Variants in PRDM7 observed in about 807,000 individuals in gnomAD.
PRDM7 encodes the protein histone-lysine N-methyltransferase PRDM7.
A neutral mutation model predicts 64.3 loss-of-function variants in PRDM7; 52 were observed. The ratio of observed to expected loss-of-function variants is 0.81; its 90% CI spans 0.65 to 1.02. PRDM7 has a LOEUF of 1.02. Among genes scored for constraint, PRDM7 ranks in the 50% least tolerant of loss-of-function variants. The pLI is 0.00. For synonymous variants in PRDM7, 192 were observed against 210.1 expected, an observed-to-expected ratio of 0.91 and a Z score of 0.74; for missense variants, 574 against 597.1, an observed-to-expected ratio of 0.96 and a Z score of 0.40.
rs767830963 is a variant in PRDM7, at chr16:90,058,481, G to C, written c.1287C>G (p.Val429=). The C allele has an allele frequency of 4.3e-6, 7 of 1,614,164 alleles. No individual in the cohort carries two copies. The Admixed American group carries it at 1.2e-4, about 27-fold the overall frequency. Residue 429 remains valine, a synonymous_variant, in exon 11 of 11, where the codon GTC becomes GTG. Coordinates refer to ENST00000449207, the MANE Select transcript of PRDM7 (RefSeq NM_001098173.2). The part of the protein sequence containing the change: ...HVPHAVWPFQ[V]KNFSVNMWNA... ...TCCACATGTTGACTGAGAAATTTTTGACTTGAAAAGGCCAGACAGCATGAG... is the reference window on the plus strand; with the variant it reads ...TCCACATGTTGACTGAGAAATTTTTCACTTGAAAAGGCCAGACAGCATGAG...
In PRDM7 at chr16:90,060,334, T is replaced by C. The variant is rs1338969202; in HGVS notation, c.1233+7A>G. ...TGTCCTTTTAAAAGAGTAATAGTGATGCCTACCTCTCCCTGCCATGAGCTC... is the reference window on the plus strand; with the variant it reads ...TGTCCTTTTAAAAGAGTAATAGTGACGCCTACCTCTCCCTGCCATGAGCTC... On this transcript the variant is annotated splice_region_variant and intron_variant, in intron 10 of 10. Coordinates refer to ENST00000449207, the MANE Select transcript of PRDM7 (RefSeq NM_001098173.2). 3 of 1,614,008 alleles carry C rather than the reference T, an allele frequency of 1.9e-6. No individual in the cohort carries two copies.
At chr16:90,060,092 A>T (rs1335722866) in intron 10 of PRDM7, among the ~76,000 whole-genome samples, 1 of 152,230 alleles carries the variant, frequency 6.6e-6, no homozygotes, top group African/African-American at 2.4e-5. Flanking sequence ...GTCTTTGAGC[A>T]CTGTATGCTG....
intron 6 of PRDM7, among the ~76,000 whole-genome samples, chr16:90,063,137 T>C (rs1418004598): frequency 1.3e-5 from 2 of 152,194 alleles, no homozygotes; most frequent in Non-Finnish European, 2.9e-5. Flanking sequence ...GTTAATGATC[T>C]TACATGCTAT....
At chr16:90,065,178 G>C (rs1308877075) in intron 5 of PRDM7, among the ~76,000 whole-genome samples, 1 of 149,540 alleles carries the variant, frequency 6.7e-6, no homozygotes. Flanking sequence ...AAGGCAGGCA[G>C]ATCACCTGAG....
In PRDM7 at chr16:90,058,030, T is replaced by G; in HGVS notation, c.*259A>C. On this transcript the variant is annotated 3_prime_UTR_variant, in exon 11 of 11. Transcript: ENST00000449207. ...CCCACACTCTCTGCAGACGTAGGGC[T>G]TCCCCCCTGTGTGTGTCCTTTGGTG... 6.2e-7 allele frequency: 1 copy of G among 1,610,924 alleles called. No individual in the cohort carries two copies. Among genetic ancestry groups the G allele is most frequent in the Admixed American group, 1.7e-5 (1 of 59,850 alleles).
intron 6 of PRDM7, among the ~76,000 whole-genome samples, 188 bp downstream of exon 6, chr16:90,063,424 T>C (rs1001418261): frequency 1.3e-5 from 2 of 151,948 alleles, no homozygotes; most frequent in Admixed American, 6.6e-5. Context: ...GGTGACAGAG[T>C]AAGACTCTGT....
intron 4 of PRDM7, among the ~76,000 whole-genome samples, chr16:90,071,987 T>A (rs1391910099): frequency 6.6e-6 from 1 of 152,012 alleles, no homozygotes; most frequent in Non-Finnish European, 1.5e-5. Context: ...GGTCAGGAGA[T>A]CGAGCCCATG....
chr16:90,059,736 G>A (rs1261550513), intron 10 of PRDM7, among the ~76,000 whole-genome samples: 3 of 152,130 alleles, frequency 2.0e-5, no homozygotes, highest in Non-Finnish European at 4.4e-5. Flanking sequence ...CTCTCACACC[G>A]ATCCCAGGTC....
chr16:90,057,135 A>G lies in PRDM7; in HGVS notation c.*1154T>C, dbSNP rs1202154835. On this transcript the variant is annotated 3_prime_UTR_variant, in exon 11 of 11. Coordinates refer to ENST00000449207, the MANE Select transcript of PRDM7 (RefSeq NM_001098173.2). ...ACCCATGCATGCAGGCTTAACACAC[A>G]TAGCACACGTGAACACATATATACA... The G allele has an allele frequency of 6.6e-6, 1 of 152,570 alleles. No individual in the cohort carries two copies. Among genetic ancestry groups the G allele is most frequent in the African/African-American group, 2.4e-5 (1 of 41,408 alleles). The allele number at this position is 152,570 out of a possible 1,614,324, so 9.5% of individuals were successfully genotyped here. A position where few individuals can be genotyped will look rare whatever the true frequency, so the allele number is the denominator to read the frequency against.
At chr16:90,073,381 T>C (rs1329270007) in intron 4 of PRDM7, among the ~76,000 whole-genome samples, 2 of 152,110 alleles carry the variant, frequency 1.3e-5, no homozygotes, top group African/African-American at 4.8e-5. Flanking sequence ...ATGTTTTCTT[T>C]TTTTTAAAAA....
At chr16:90,060,989 G>T in intron 9 of PRDM7, among the ~76,000 whole-genome samples, 1 of 152,102 alleles carries the variant, frequency 6.6e-6, no homozygotes, top group Non-Finnish European at 1.5e-5. Flanking sequence ...GATTCCTAGA[G>T]AAACTCAGAA....
intron 4 of PRDM7, 73 bp from the exon 5 acceptor site, chr16:90,066,983 G>A: frequency 7.7e-7 from 1 of 1,305,858 alleles, no homozygotes. Context: ...TTTTCTTTTT[G>A]ATATGGAGTC....
intron 9 of PRDM7, among the ~76,000 whole-genome samples, chr16:90,060,939 C>T (rs997389945): frequency 2.0e-5 from 3 of 152,212 alleles, no homozygotes; most frequent in African/African-American, 7.2e-5. Context: ...CCTCTAATCA[C>T]CCTACAGTTC....
intron 4 of PRDM7, among the ~76,000 whole-genome samples, chr16:90,069,390 T>C (rs1373437549): frequency 6.6e-6 from 1 of 151,346 alleles, no homozygotes; most frequent in Non-Finnish European, 1.5e-5. Flanking sequence ...GTAAGGTCTA[T>C]AAGTACAGAA....
chr16:90,063,133 G>A (rs1269054567), intron 6 of PRDM7, among the ~76,000 whole-genome samples: 1 of 152,158 alleles, frequency 6.6e-6, no homozygotes, highest in Non-Finnish European at 1.5e-5. Flanking sequence ...CAAAGTTAAT[G>A]ATCTTACATG....
Position 90,058,062 on chromosome 16 carries a change from A to G in PRDM7, c.*227T>C. On this transcript the variant is annotated 3_prime_UTR_variant, in exon 11 of 11. Transcript: ENST00000449207. ...CTGTGTGTGTCCTTTGGTGTGTAATAACATCTGACTTATCACTGAAACCTT... is the reference window on the plus strand; with the variant it reads ...CTGTGTGTGTCCTTTGGTGTGTAATGACATCTGACTTATCACTGAAACCTT... The G allele has an allele frequency of 6.2e-7, 1 of 1,612,968 alleles. No homozygotes were observed. The highest frequency in any genetic ancestry group is 8.5e-7 in the Non-Finnish European group (1 of 1,179,182).
rs2037774494 is a variant in PRDM7, at chr16:90,061,424, C to T, written c.950+28G>A. 4 of 1,555,006 alleles carry T rather than the reference C, an allele frequency of 2.6e-6. No homozygotes were observed. The East Asian group carries it at 6.7e-5, about 26-fold the overall frequency. ...GGTTTGTGAGAGATGGAGGTTCTCT[C>T]TGAAACTAAGAGACCTAGTGGCCTT... On this transcript the variant is annotated intron_variant, in intron 9 of 10. Transcript: ENST00000449207.
Position 90,075,948 on chromosome 16 carries a change from G to C in PRDM7, c.-38C>G, listed in dbSNP as rs373472039. 1.1e-5 allele frequency: 17 copies of C among 1,604,146 alleles called. No homozygotes were observed. The highest frequency in any genetic ancestry group is 8.5e-6 in the Non-Finnish European group (10 of 1,173,970). ...GTCTAGAAGGCCCTGCTCCAATTCT[G>C]AGTGTGGGAAGGGCCCCTGAGTCTC... On this transcript the variant is annotated 5_prime_UTR_variant, in exon 2 of 11. Transcript: ENST00000449207. The surrounding 1 kb of genome is among the most constrained non-coding windows in gnomAD (Gnocchi z 4.3).
At chr16:90,061,367 G>A in intron 9 of PRDM7, 85 bp downstream of exon 9, 1 of 1,363,708 alleles carries the variant, frequency 7.3e-7, no homozygotes, top group Non-Finnish European at 1.0e-6. Context: ...GAAAATCATT[G>A]AGGGAGGCAT....
Sources: gnomAD v4.1 joint callset for allele counts (sites outside exome capture counted in the v4.1 genomes callset) on GRCh38, gnomAD v4.1.1 for gene constraint, Gnocchi (gnomAD v3.1) non-coding constraint, MANE v1.5 for transcripts, NCBI Gene and HGNC (gene_info 2026-07-23, HGNC 2026-07-21) for gene names.